Variants in RNF6 observed in about 807,000 individuals in gnomAD.
The protein encoded by RNF6 is ring finger protein 6.
A neutral mutation model predicts 50.1 loss-of-function variants in RNF6; 21 were observed. That is an observed-to-expected ratio of 0.42 (90% CI 0.30 to 0.60). The LOEUF is 0.60. Ranked by LOEUF, RNF6 falls within the 20% of genes least tolerant of loss-of-function variation. RNF6 has a pLI of 0.20. For synonymous variants in RNF6, 255 were observed against 291.8 expected (o/e 0.87, Z 1.29); for missense variants, 698 against 838.2 (o/e 0.83, Z 2.07).
At position 26,200,744 on chromosome 13, in the gene RNF6, TAAGCA is replaced by T. The variant is rs1868867978; in HGVS notation, n.768+14725_768+14729del. Among the ~76,000 whole-genome samples, 3 of 152,272 alleles carry T rather than the reference TAAGCA, an allele frequency of 2.0e-5. No homozygotes were observed. The East Asian group carries it at 5.8e-4, about 29-fold the overall frequency. ...ATTTTACCTTTGAACTAGTGTTTTGTAAGCAAAGTCCAATAGGGCAATGGAGGATA... is the reference window on the plus strand; with the variant it reads ...ATTTTACCTTTGAACTAGTGTTTTGTAAGTCCAATAGGGCAATGGAGGATA... On this transcript the variant is annotated intron_variant and non_coding_transcript_variant, in intron 5 of 5. Coordinates refer to the RNF6 transcript ENST00000468480.
chr13:26,204,056 G>A (rs1355480800), intron 5 of RNF6, among the ~76,000 whole-genome samples: 1 of 152,094 alleles, frequency 6.6e-6, no homozygotes, highest in East Asian at 1.9e-4. Flanking sequence ...GACCCACAAT[G>A]CAGCCTGGAG....
intron 5 of RNF6, among the ~76,000 whole-genome samples, chr13:26,149,471 CA>C (rs1349760965): frequency 2.0e-5 from 3 of 151,922 alleles, no homozygotes; most frequent in Admixed American, 1.3e-4. Context: ...CCTGTAGTCC[CA>C]GCTACTTGGG....
rs1870595474 is a variant in RNF6, at chr13:26,222,247, AC to A, written c.-347del. The A allele has an allele frequency of 6.6e-6, 1 of 152,274 alleles. No homozygotes were observed. Among genetic ancestry groups the A allele is most frequent in the Non-Finnish European group, 1.5e-5 (1 of 68,102 alleles). 9.4% of individuals were successfully genotyped at this position (152,274 alleles called of 1,614,324 possible). ...GGCAGGCCCCAGCCCTTCTTTCCCG[AC>A]AGCCACGCCGCCCACTTGGCGGCGG... On this transcript the variant is annotated 5_prime_UTR_variant, in exon 1 of 5. Transcript: ENST00000381588.
At position 26,219,448 on chromosome 13, in the gene RNF6, A is replaced by G. The variant is rs1481849107; in HGVS notation, c.193+9T>C. The G allele has an allele frequency of 6.3e-7, 1 of 1,585,290 alleles. No individual in the cohort carries two copies. Among genetic ancestry groups the G allele is most frequent in the Non-Finnish European group, 8.6e-7 (1 of 1,161,820 alleles). ...AAAAAGGGTGTTTCCTCTTTTACCC[A>G]TCTCTTACCAGGGGTGCCTAAAAGA... On this transcript the variant is annotated intron_variant, in intron 3 of 4. Transcript: ENST00000381588.
downstream of RNF6, among the ~76,000 whole-genome samples, chr13:26,209,449 C>T (rs1243917804): frequency 6.6e-6 from 1 of 152,224 alleles, no homozygotes; most frequent in African/African-American, 2.4e-5. Flanking sequence ...ACTTCTTTCC[C>T]TGTTTTTGTT....
rs1026049285 is a variant in RNF6, at chr13:26,148,961, C to CT, written n.769-16511dup. Among the ~76,000 whole-genome samples the CT allele has an allele frequency of 3.8e-4, 57 of 151,830 alleles. No individual in the cohort carries two copies. The East Asian group carries it at 8.4e-3, about 22-fold the overall frequency. ...TCTCTCTTGCTCAGGGAATGGCCAG[C>CT]TTTTTTTATCTATTCAGGCCTGTAA... On this transcript the variant is annotated intron_variant and non_coding_transcript_variant, in intron 5 of 5. Transcript: ENST00000468480.
intron 5 of RNF6, among the ~76,000 whole-genome samples, chr13:26,174,629 A>G (rs1272049512): frequency 6.6e-6 from 1 of 152,046 alleles, no homozygotes; most frequent in East Asian, 1.9e-4. Context: ...ACCCCAAAAT[A>G]TTGAAACAAA....
At chr13:26,167,749 A>AT (rs1872519677) in intron 5 of RNF6, among the ~76,000 whole-genome samples, 1 of 152,222 alleles carries the variant, frequency 6.6e-6, no homozygotes, top group Admixed American at 6.5e-5. Flanking sequence ...ACATGCACAC[A>AT]TACGCTCATT....
chr13:26,173,255 C>T (rs983350537), intron 5 of RNF6, among the ~76,000 whole-genome samples: 5 of 152,116 alleles, frequency 3.3e-5, no homozygotes, highest in African/African-American at 7.2e-5. Flanking sequence ...CAAGAAGTTA[C>T]GAACAAAGAT....
intron 5 of RNF6, among the ~76,000 whole-genome samples, chr13:26,162,294 C>T (rs190917511): frequency 6.6e-6 from 1 of 152,200 alleles, no homozygotes; most frequent in Admixed American, 6.5e-5. Flanking sequence ...TCAAACTAGC[C>T]AGTCCTAAAC....
chr13:26,138,334 GC>G (rs1765421062), intron 5 of RNF6, among the ~76,000 whole-genome samples: 1 of 152,088 alleles, frequency 6.6e-6, no homozygotes, highest in Non-Finnish European at 1.5e-5. Flanking sequence ...TAATAGACTT[GC>G]CCTACAATAA....
At chr13:26,169,061 T>C (rs1200560120) in intron 5 of RNF6, among the ~76,000 whole-genome samples, 4 of 152,124 alleles carry the variant, frequency 2.6e-5, no homozygotes, top group African/African-American at 4.8e-5. Flanking sequence ...ATGTCAGCTG[T>C]GTTGGGTACC....
intron 5 of RNF6, among the ~76,000 whole-genome samples, chr13:26,177,650 C>T (rs1873026311): frequency 6.6e-6 from 1 of 152,194 alleles, no homozygotes. Flanking sequence ...GCTTCACAAC[C>T]TATCCTCTTG....
chr13:26,178,941 C>G (rs775864152), intron 5 of RNF6, among the ~76,000 whole-genome samples: 2 of 152,132 alleles, frequency 1.3e-5, no homozygotes, highest in Non-Finnish European at 2.9e-5. Context: ...CAGATTCATC[C>G]ATGTTGTCGC....
In RNF6 at chr13:26,190,723, A is replaced by G. The variant is rs114632229; in HGVS notation, n.768+24751T>C. Among the ~76,000 whole-genome samples the G allele has an allele frequency of 8.4e-3, 1,276 of 152,344 alleles. 14 individuals carry two copies. Among genetic ancestry groups the G allele is most frequent in the African/African-American group, 0.029 (1,220 of 41,580 alleles). ...TCATCAATTGAACATTTGAACACCTATGATATGTGGGTGCTATTCTAGGCT... is the reference window on the plus strand; with the variant it reads ...TCATCAATTGAACATTTGAACACCTGTGATATGTGGGTGCTATTCTAGGCT... On this transcript the variant is annotated intron_variant and non_coding_transcript_variant, in intron 5 of 5. Transcript: ENST00000468480.
At chr13:26,186,701 T>C (rs1873558791) in intron 5 of RNF6, among the ~76,000 whole-genome samples, 1 of 152,082 alleles carries the variant, frequency 6.6e-6, no homozygotes, top group South Asian at 2.1e-4. Flanking sequence ...TTCGCTGTGC[T>C]GACCGTCGAT....
chr13:26,210,473 T>C (rs1162626098), downstream of RNF6, among the ~76,000 whole-genome samples: 1 of 152,232 alleles, frequency 6.6e-6, no homozygotes. Context: ...CCTGGATTCA[T>C]CTTTATAATA....
chr13:26,165,288 T>C (rs1018825762), intron 5 of RNF6, among the ~76,000 whole-genome samples: 1 of 152,214 alleles, frequency 6.6e-6, no homozygotes, highest in Non-Finnish European at 1.5e-5. Flanking sequence ...AACCTCCATC[T>C]AGATTTCGGA....
downstream of RNF6, among the ~76,000 whole-genome samples, chr13:26,209,667 C>T (rs1869240161): frequency 2.6e-5 from 4 of 152,128 alleles, no homozygotes; most frequent in South Asian, 2.1e-4. Flanking sequence ...GGATTGTTAC[C>T]CACTGGGGAG....
Sources: allele counts gnomAD v4.1 joint callset (sites outside exome capture counted in the v4.1 genomes callset), GRCh38; gene constraint gnomAD v4.1.1; transcripts MANE v1.5; gene names NCBI Gene and HGNC (gene_info 2026-07-23, HGNC 2026-07-21).